Variants in CASD1 observed in about 807,000 individuals in gnomAD.
CASD1 encodes the protein N-acetylneuraminate (7)9-O-acetyltransferase.
Under a neutral mutation model 100.0 loss-of-function variants are expected in CASD1, and 41 were observed. That is an observed-to-expected ratio of 0.41 (90% CI 0.32 to 0.53). CASD1 has a LOEUF of 0.53. Ranked by LOEUF, CASD1 falls within the 20% of genes least tolerant of loss-of-function variation. CASD1 has a pLI of 0.25. For synonymous variants in CASD1, 321 were observed against 315.6 expected, an observed-to-expected ratio of 1.02 and a Z score of -0.18; for missense variants, 774 against 948.7, an observed-to-expected ratio of 0.82 and a Z score of 2.42.
downstream of CASD1, among the ~76,000 whole-genome samples, chr7:94,559,700 A>G (rs563950344): frequency 1.2e-4 from 18 of 151,910 alleles, no homozygotes; most frequent in Non-Finnish European, 2.4e-4. Flanking sequence ...TAATTTTTAT[A>G]TTTTTAGTAG....
intron 3 of CASD1, among the ~76,000 whole-genome samples, chr7:94,522,313 A>C (rs1426345646): frequency 6.6e-6 from 1 of 152,240 alleles, no homozygotes; most frequent in Non-Finnish European, 1.5e-5. Flanking sequence ...TAAGATAAAT[A>C]GATTTTAAGG....
chr7:94,624,142 C>T, the CASD1 span: 3 of 385,730 alleles, frequency 7.8e-6, no homozygotes, highest in Admixed American at 4.7e-5. Flanking sequence ...TTAAATCATT[C>T]GGACACATCT....
chr7:94,522,803 G>A (rs941103375), intron 3 of CASD1, among the ~76,000 whole-genome samples: 15 of 152,072 alleles, frequency 9.9e-5, no homozygotes, highest in Non-Finnish European at 1.3e-4. Flanking sequence ...GACTACAGGC[G>A]CCTGCCACCA....
chr7:94,531,725 AGT>A (rs1273039161), intron 5 of CASD1, among the ~76,000 whole-genome samples: 2 of 152,022 alleles, frequency 1.3e-5, no homozygotes, highest in African/African-American at 4.8e-5. Context: ...ATAGTGAAAA[AGT>A]GTCATTTTTT....
chr7:94,605,771 C>T, the CASD1 span, among the ~76,000 whole-genome samples: 3 of 151,830 alleles, frequency 2.0e-5, no homozygotes, highest in Non-Finnish European at 2.9e-5. Context: ...AAAATAGAAA[C>T]AAAAAACAAA....
the CASD1 span, among the ~76,000 whole-genome samples, chr7:94,611,400 CATATT>C: frequency 6.9e-6 from 1 of 144,112 alleles, no homozygotes; most frequent in East Asian, 2.2e-4. Context: ...CAGAAGACCA[CATATT>C]ATATAATTCC....
intron 6 of CASD1, 118 bp downstream of exon 6, chr7:94,533,367 C>G: frequency 1.4e-6 from 1 of 735,010 alleles, no homozygotes; most frequent in Non-Finnish European, 2.2e-6. Flanking sequence ...ATTCCTACTT[C>G]TATTATGATT....
At chr7:94,512,751 A>T (rs994498912) in intron 1 of CASD1, among the ~76,000 whole-genome samples, 2 of 152,240 alleles carry the variant, frequency 1.3e-5, no homozygotes, top group African/African-American at 4.8e-5. Context: ...ATTGCATGTC[A>T]AAGTTTAATT....
intron 13 of CASD1, among the ~76,000 whole-genome samples, chr7:94,548,496 G>T (rs879620639): frequency 1.3e-5 from 2 of 151,398 alleles, no homozygotes; most frequent in African/African-American, 2.4e-5. Flanking sequence ...ACTTCAGATT[G>T]CCACTCTTAG....
At chr7:94,600,815 G>T in the CASD1 span, 1 of 1,612,734 alleles carries the variant, frequency 6.2e-7, no homozygotes, top group Non-Finnish European at 8.5e-7. Context: ...CCCTCTCCAC[G>T]AATCACTTCC....
At chr7:94,567,995 T>G in the CASD1 span, among the ~76,000 whole-genome samples, 15,941 of 152,224 alleles carry the variant, frequency 0.1, 1,087 homozygotes, top group South Asian at 0.19. Context: ...ATCAACAGGT[T>G]TTTTAAGAAA....
the CASD1 span, chr7:94,626,559 A>G: frequency 6.6e-6 from 1 of 152,060 alleles, no homozygotes; most frequent in South Asian, 2.1e-4. Flanking sequence ...GAAATATAAC[A>G]GTAATTTATA....
chr7:94,588,325 A>C, the CASD1 span: 1 of 1,077,036 alleles, frequency 9.3e-7, no homozygotes, highest in Non-Finnish European at 1.1e-6. Flanking sequence ...GAGAGCTTGA[A>C]ACTTCAAGCT....
At position 94,510,022 on chromosome 7, in the gene CASD1, T is replaced by C; in HGVS notation, c.-63T>C. On this transcript the variant is annotated 5_prime_UTR_variant, in exon 1 of 18. Transcript: ENST00000297273. ...CTGGCTGCAGCGGCGGCAGCCCCAGTGCTGCCCCTGTGCGGCGCCCCTTTC... is the reference window on the plus strand; with the variant it reads ...CTGGCTGCAGCGGCGGCAGCCCCAGCGCTGCCCCTGTGCGGCGCCCCTTTC... 1 of 1,433,976 alleles carries C rather than the reference T, an allele frequency of 7.0e-7. No homozygotes were observed. Among genetic ancestry groups the C allele is most frequent in the Non-Finnish European group, 9.2e-7 (1 of 1,081,656 alleles). 88.8% of individuals were successfully genotyped at this position (1,433,976 alleles called of 1,614,324 possible).
chr7:94,526,117 G>A (rs1783625104), intron 3 of CASD1, among the ~76,000 whole-genome samples: 1 of 152,056 alleles, frequency 6.6e-6, no homozygotes, highest in African/African-American at 2.4e-5. Flanking sequence ...TGTCACTCAG[G>A]GCCTATACTA....
chr7:94,545,678 A>C lies in CASD1; in HGVS notation c.1610A>C (p.Gln537Pro). Residue 537 changes from glutamine (Q) to proline (P), a missense_variant, in exon 12 of 18, where the codon CAA becomes CCA. Gln to Pro is a moderately conservative substitution (Grantham distance 76). Coordinates refer to ENST00000297273, the MANE Select transcript of CASD1 (RefSeq NM_022900.5). ...TATGTTACTTTAGCACTATGGCCAC[A>C]AATAATCCAAAAAAAAGCAAACGGT... is the stretch of plus-strand genomic sequence containing the variant. ...VIYVTLALWP[Q>P]IIQKKANGNC... 6.3e-7 allele frequency: 1 copy of C among 1,594,702 alleles called. No individual in the cohort carries two copies. The highest frequency in any genetic ancestry group is 1.2e-5 in the South Asian group (1 of 86,868).
chr7:94,524,483 A>G (rs562725102), intron 3 of CASD1, among the ~76,000 whole-genome samples: 10 of 152,122 alleles, frequency 6.6e-5, no homozygotes, highest in Non-Finnish European at 1.3e-4. Flanking sequence ...ATGGCAAGAA[A>G]TATGAAAACA....
the CASD1 span, chr7:94,618,828 C>G: frequency 6.2e-7 from 1 of 1,614,020 alleles, no homozygotes; most frequent in Non-Finnish European, 8.5e-7. Flanking sequence ...ATGTTTATGG[C>G]GTTCAGGCGC....
chr7:94,528,291 T>C (rs776135983), intron 5 of CASD1, 41 bp downstream of exon 5: 1 of 1,357,138 alleles, frequency 7.4e-7, no homozygotes, highest in Middle Eastern at 2.1e-4. Flanking sequence ...TTTTTTATTT[T>C]TATTCCCTTT....
Sources: allele counts gnomAD v4.1 joint callset (sites outside exome capture counted in the v4.1 genomes callset), GRCh38; gene constraint gnomAD v4.1.1; transcripts MANE v1.5; gene names NCBI Gene and HGNC (gene_info 2026-07-23, HGNC 2026-07-21).